The following PRKN variants were observed in gnomAD, a reference collection of about 807,000 sequenced individuals.
PRKN encodes E3 ubiquitin-protein ligase parkin.
A neutral mutation model predicts 59.5 loss-of-function variants in PRKN; 56 were observed. The ratio of observed to expected loss-of-function variants is 0.94; its 90% confidence interval spans 0.76 to 1.18. The LOEUF (loss-of-function observed/expected upper bound fraction) is 1.18, where lower values mean the gene tolerates loss of function less well. Among genes scored for constraint, PRKN ranks in the 50% most tolerant of loss-of-function variants. The pLI is 0.00. For missense variants in PRKN, 657 were observed against 596.4 expected, an observed-to-expected ratio of 1.10 and a Z score of -1.06; for synonymous variants, 250 against 222.1, an observed-to-expected ratio of 1.13 and a Z score of -1.12.
chr6:162,250,186 AG>A (rs368867297), intron 3 of PRKN, among the ~76,000 whole-genome samples: 49 of 96,460 alleles, frequency 5.1e-4, no homozygotes, highest in African/African-American at 5.7e-4. Context: ...ATTATTTATA[AG>A]GGGGGGGGCA....
chr6:162,495,083 C>T (rs967970185), intron 1 of PRKN, among the ~76,000 whole-genome samples: 1 of 152,136 alleles, frequency 6.6e-6, no homozygotes, highest in East Asian at 1.9e-4. Flanking sequence ...GACAGTTAAT[C>T]GAGAGACATC....
chr6:162,030,021 G>A (rs79417468), intron 5 of PRKN, among the ~76,000 whole-genome samples: 1,803 of 152,132 alleles, frequency 0.012, 32 homozygotes, highest in African/African-American at 0.04. Context: ...ACAAAAAATC[G>A]TAGAGATGGG....
At chr6:162,027,305 T>TA (rs137986947) in intron 5 of PRKN, among the ~76,000 whole-genome samples, 24,944 of 152,090 alleles carry the variant, frequency 0.16, 2,106 homozygotes, top group South Asian at 0.26. Flanking sequence ...ATATTAATCT[T>TA]GACATGTTTC....
chr6:161,884,602 CAA>C (rs1460935164), intron 6 of PRKN, among the ~76,000 whole-genome samples: 3 of 152,158 alleles, frequency 2.0e-5, no homozygotes, highest in African/African-American at 4.8e-5. Context: ...ATTCTTTTAT[CAA>C]GTAATTTATT....
chr6:161,762,064 G>A (rs1198336341), intron 7 of PRKN, among the ~76,000 whole-genome samples: 2 of 152,132 alleles, frequency 1.3e-5, no homozygotes, highest in Non-Finnish European at 2.9e-5. Flanking sequence ...GAATTCCTAC[G>A]GGTGAGGGCT....
chr6:162,453,432 G>A (rs1790719086), intron 1 of PRKN, among the ~76,000 whole-genome samples: 1 of 152,070 alleles, frequency 6.6e-6, no homozygotes, highest in Admixed American at 6.6e-5. Flanking sequence ...GAGAATGAGA[G>A]GTAGGAAAAA....
intron 6 of PRKN, among the ~76,000 whole-genome samples, chr6:161,810,994 A>G (rs1206434732): frequency 1.3e-5 from 2 of 152,174 alleles, no homozygotes; most frequent in Non-Finnish European, 2.9e-5. Context: ...AGCAGAGGGA[A>G]GACTATCTGG....
chr6:161,669,514 T>C (rs1460914534), intron 7 of PRKN, among the ~76,000 whole-genome samples: 1 of 152,210 alleles, frequency 6.6e-6, no homozygotes, highest in Non-Finnish European at 1.5e-5. Context: ...GTCAGCATTG[T>C]ATGTTTCCGA....
In PRKN at chr6:161,725,760, T is replaced by C. The variant is rs533864354; in HGVS notation, c.871+60012A>G. ...CATCCACAAAATAAAGAAAATTCTT[T>C]GTTTGCAGGGTTGAAATGAGCATTA... On this transcript the variant is annotated intron_variant, in intron 7 of 11. Transcript: ENST00000366898. 2.6e-5 allele frequency among the ~76,000 whole-genome samples: 4 copies of C among 152,300 alleles called. No homozygotes were observed. In the South Asian group the frequency reaches 8.3e-4, roughly 32 times the overall value.
chr6:161,596,602 C>T (rs2128142199), intron 7 of PRKN, among the ~76,000 whole-genome samples: 1 of 152,232 alleles, frequency 6.6e-6, no homozygotes, highest in African/African-American at 2.4e-5. Context: ...CGACAAGAAA[C>T]CCCTAGGAAC....
rs140829833 is a variant in PRKN, at chr6:161,535,061, C to G, written c.1083+13793G>C. Among the ~76,000 whole-genome samples, 14 of 152,254 alleles carry G rather than the reference C, an allele frequency of 9.2e-5. No homozygotes were observed. The East Asian group carries it at 2.7e-3, about 29-fold the overall frequency. On this transcript the variant is annotated intron_variant, in intron 9 of 11. Transcript: ENST00000366898. ...TGTGGTTCTACATGGTTTAGTAGTG[C>G]CTTTGTATGTGACATGAGAACAAAA...
At chr6:162,708,747 G>A (rs982353298) in intron 1 of PRKN, among the ~76,000 whole-genome samples, 1 of 152,134 alleles carries the variant, frequency 6.6e-6, no homozygotes, top group African/African-American at 2.4e-5. Flanking sequence ...CCCTGACATA[G>A]AGTCAGAGAC....
intron 7 of PRKN, among the ~76,000 whole-genome samples, chr6:161,738,554 C>T (rs750561552): frequency 6.6e-6 from 1 of 152,206 alleles, no homozygotes; most frequent in Non-Finnish European, 1.5e-5. Context: ...AAAGCACAGG[C>T]ACCACAGGCT....
intron 2 of PRKN, among the ~76,000 whole-genome samples, chr6:162,346,865 A>G (rs550247972): frequency 3.3e-5 from 5 of 152,010 alleles, no homozygotes; most frequent in Non-Finnish European, 5.9e-5. Context: ...TGTGAGATAT[A>G]TATCTATGGA....
chr6:162,237,601 G>A (rs755213354), intron 3 of PRKN, among the ~76,000 whole-genome samples: 2 of 152,072 alleles, frequency 1.3e-5, no homozygotes, highest in Non-Finnish European at 2.9e-5. Flanking sequence ...TGCCTTACCT[G>A]TCAATCACAA....
rs561036359 is a variant in PRKN, at chr6:161,473,327, T to C, written c.1083+75527A>G. 6.6e-6 allele frequency among the ~76,000 whole-genome samples: 1 copy of C among 150,808 alleles called. No homozygotes were observed. The highest frequency in any genetic ancestry group is 1.9e-4 in the East Asian group (1 of 5,150). On this transcript the variant is annotated intron_variant, in intron 9 of 11. Transcript: ENST00000366898. The surrounding 1 kb of genome is among the most constrained non-coding windows in gnomAD (Gnocchi z 4.1). ...ATATTAGGGAGAGGGGAGCATTATA[T>C]ATATAGATACCTATATATCCATAAA... is the stretch of plus-strand genomic sequence containing the variant.
intron 9 of PRKN, among the ~76,000 whole-genome samples, chr6:161,411,374 A>G (rs112878384): frequency 1.7e-4 from 26 of 152,294 alleles, no homozygotes; most frequent in African/African-American, 9.6e-5. Context: ...CATGTAAGAC[A>G]TGCCTTTGCT....
chr6:162,383,252 C>A (rs529305567), intron 2 of PRKN, among the ~76,000 whole-genome samples: 3 of 152,274 alleles, frequency 2.0e-5, no homozygotes, highest in Admixed American at 6.5e-5. Flanking sequence ...CTACCTATGG[C>A]AGTTATAGCC....
At chr6:161,382,501 A>C (rs763929243) in intron 10 of PRKN, among the ~76,000 whole-genome samples, 18 of 152,352 alleles carry the variant, frequency 1.2e-4, no homozygotes, top group Non-Finnish European at 2.2e-4. Flanking sequence ...CTCCTGCTGA[A>C]TAGGGAGAGG....
Sources: gnomAD v4.1 joint callset for allele counts (sites outside exome capture counted in the v4.1 genomes callset) on GRCh38, gnomAD v4.1.1 for gene constraint, Gnocchi (gnomAD v3.1) non-coding constraint, MANE v1.5 for transcripts, NCBI Gene and HGNC (gene_info 2026-07-23, HGNC 2026-07-21) for gene names.